Variants in CCDC34 observed in about 807,000 individuals in gnomAD.
CCDC34 encodes the protein coiled-coil domain containing 34.
CCDC34 carries 40 observed loss-of-function variants against 44.1 expected under a neutral mutation model. That is an observed-to-expected ratio of 0.91 (90% CI 0.70 to 1.18). CCDC34 has a LOEUF of 1.18. Ranked by LOEUF, CCDC34 falls within the 50% of genes most tolerant of loss-of-function variation. The pLI is 0.00. For missense variants in CCDC34, 466 were observed against 452.3 expected (o/e 1.03, Z -0.28); for synonymous variants, 159 against 158.2 (o/e 1.01, Z -0.04).
At chr11:27,359,579 C>A (rs1862631882) in intron 1 of CCDC34, among the ~76,000 whole-genome samples, 1 of 152,050 alleles carries the variant, frequency 6.6e-6, no homozygotes, top group South Asian at 2.1e-4. Flanking sequence ...AGCTCCGCCT[C>A]CCTGGTTCAC....
intron 3 of CCDC34, among the ~76,000 whole-genome samples, chr11:27,343,099 G>C (rs746340299): frequency 7.2e-5 from 11 of 152,094 alleles, no homozygotes; most frequent in Non-Finnish European, 1.3e-4. Flanking sequence ...GGAAAGACAG[G>C]TCTTAAAAAT....
intron 3 of CCDC34, chr11:27,349,048 C>G (rs1862471846): frequency 1.0e-6 from 1 of 984,566 alleles, no homozygotes; most frequent in African/African-American, 1.8e-5. Flanking sequence ...ATATTGTCTC[C>G]CAGAAGTATC....
intron 2 of CCDC34, among the ~76,000 whole-genome samples, chr11:27,353,736 A>G (rs1450041269): frequency 6.6e-6 from 1 of 152,178 alleles, no homozygotes; most frequent in Non-Finnish European, 1.5e-5. Context: ...ATTATCCTAC[A>G]AATGTTCTCT....
chr11:27,349,251 AT>A lies in CCDC34; in HGVS notation c.606+1080del. The stretch of plus-strand genomic sequence containing the variant: ...ATAACAGTCACAGAGATTTATTTTG[AT>A]TTTTGAATTTATTCACAAAGATCTC... On this transcript the variant is annotated intron_variant, in intron 3 of 5. Transcript: ENST00000328697. The A allele has an allele frequency of 5.3e-6, 5 of 948,706 alleles. No homozygotes were observed. In the South Asian group the frequency reaches 1.5e-4, roughly 28 times the overall value. The allele number at this position is 948,706 out of a possible 1,614,324, so 58.8% of individuals were successfully genotyped here.
In CCDC34 at chr11:27,357,442, T is replaced by C; in HGVS notation, c.459A>G (p.Glu153=). The C allele has an allele frequency of 6.2e-7, 1 of 1,614,022 alleles. No homozygotes were observed. Among genetic ancestry groups the C allele is most frequent in the Non-Finnish European group, 8.5e-7 (1 of 1,179,906 alleles). Residue 153 remains glutamate (E), a synonymous_variant, in exon 2 of 6, where the codon GAA becomes GAG. Transcript: ENST00000328697. ...GTTGCAGCCGGTCACGTTCTTCTTT[T>C]TCTTTGCCAATAAACCACACCTCCC... ...TPWEVWFIGK[E]KEERDRLQLK...
intron 3 of CCDC34, among the ~76,000 whole-genome samples, chr11:27,347,123 A>C (rs548768511): frequency 6.6e-6 from 1 of 152,202 alleles, no homozygotes; most frequent in Admixed American, 6.5e-5. Context: ...GCTAAACATC[A>C]TCAGATCTCA....
At chr11:27,362,346 T>C (rs1296885077) in intron 1 of CCDC34, among the ~76,000 whole-genome samples, 1 of 152,218 alleles carries the variant, frequency 6.6e-6, no homozygotes, top group East Asian at 1.9e-4. Flanking sequence ...AGGTTGACAT[T>C]GCTAATCTCT....
In CCDC34 at chr11:27,355,897, C is replaced by A. The variant is rs1240678182; in HGVS notation, c.498+1506G>T. On this transcript the variant is annotated intron_variant, in intron 2 of 5. Transcript: ENST00000328697. ...TCATAATCATTTGAATTATGCCAAG[C>A]CTCTGGGACATGTGACTGCTTGCCT... Among the ~76,000 whole-genome samples the A allele has an allele frequency of 4.6e-5, 7 of 151,810 alleles. 1 individual carries two copies. Among genetic ancestry groups the A allele is most frequent in the Non-Finnish European group, 8.8e-5 (6 of 67,990 alleles).
At chr11:27,355,794 C>T (rs921506821) in intron 2 of CCDC34, among the ~76,000 whole-genome samples, 1 of 152,100 alleles carries the variant, frequency 6.6e-6, no homozygotes, top group African/African-American at 2.4e-5. Context: ...ACTCTCACAG[C>T]GCACTTTTCC....
chr11:27,348,890 A>G, intron 3 of CCDC34: 1 of 980,898 alleles, frequency 1.0e-6, no homozygotes, highest in Non-Finnish European at 1.2e-6. Context: ...TCTCAGTTTT[A>G]TTTTTAAATA....
chr11:27,346,644 TAACAC>T (rs1177406702), intron 3 of CCDC34, among the ~76,000 whole-genome samples: 1 of 152,076 alleles, frequency 6.6e-6, no homozygotes, highest in Non-Finnish European at 1.5e-5. Context: ...GCAAATGACT[TAACAC>T]AACACAAAAC....
At chr11:27,355,535 TAAATAACAATACAAATAA>T (rs1265233167) in intron 2 of CCDC34, among the ~76,000 whole-genome samples, 1 of 152,130 alleles carries the variant, frequency 6.6e-6, no homozygotes, top group African/African-American at 2.4e-5. Flanking sequence ...AGTAATGATA[TAAATAACAATACAAATAA>T]AAACAAAGCC....
intron 3 of CCDC34, among the ~76,000 whole-genome samples, chr11:27,346,587 A>G (rs1862438720): frequency 6.6e-6 from 1 of 152,200 alleles, no homozygotes; most frequent in Non-Finnish European, 1.5e-5. Flanking sequence ...CTGAATATAC[A>G]AATTCTCATA....
chr11:27,349,230 C>T, intron 3 of CCDC34: 1 of 948,826 alleles, frequency 1.1e-6, no homozygotes, highest in Middle Eastern at 5.5e-4. Context: ...AGTTTTATAA[C>T]AGTCACAGAG....
At chr11:27,347,777 T>C (rs4923441) in intron 3 of CCDC34, among the ~76,000 whole-genome samples, 45,153 of 151,930 alleles carry the variant, frequency 0.3, 6,988 homozygotes, top group South Asian at 0.43. Context: ...GGAAACTCTC[T>C]GGGGTGATGG....
At chr11:27,342,152 T>C (rs894147134) in intron 3 of CCDC34, among the ~76,000 whole-genome samples, 3 of 152,084 alleles carry the variant, frequency 2.0e-5, no homozygotes, top group Admixed American at 6.6e-5. Context: ...ATGTCTTTAT[T>C]AGCAGCATGA....
chr11:27,361,407 T>G (rs1862662755), intron 1 of CCDC34, among the ~76,000 whole-genome samples: 1 of 152,234 alleles, frequency 6.6e-6, no homozygotes, highest in African/African-American at 2.4e-5. Flanking sequence ...GTCCAGTTGA[T>G]TATGCTCAGA....
At chr11:27,358,409 T>G (rs185517001) in intron 1 of CCDC34, among the ~76,000 whole-genome samples, 2 of 151,418 alleles carry the variant, frequency 1.3e-5, no homozygotes, top group East Asian at 1.9e-4. Flanking sequence ...AAAGACTAGT[T>G]TATTACAGAC....
intron 2 of CCDC34, among the ~76,000 whole-genome samples, chr11:27,353,685 A>G (rs1270530008): frequency 6.6e-6 from 1 of 152,212 alleles, no homozygotes; most frequent in Non-Finnish European, 1.5e-5. Flanking sequence ...TCTGATGCTC[A>G]AATCAAATTT....
Sources: allele counts gnomAD v4.1 joint callset (sites outside exome capture counted in the v4.1 genomes callset), GRCh38; gene constraint gnomAD v4.1.1; transcripts MANE v1.5; gene names NCBI Gene and HGNC (gene_info 2026-07-23, HGNC 2026-07-21).